The following MAB21L3 variants were observed in gnomAD, a reference collection of about 807,000 sequenced individuals.
MAB21L3 encodes the protein mab-21 like 3, also known as protein mab-21-like 3.
Under a neutral mutation model 37.7 loss-of-function variants are expected in MAB21L3, and 36 were observed. The ratio of observed to expected loss-of-function variants is 0.96; its 90% CI spans 0.73 to 1.26. The LOEUF is 1.26. Ranked by LOEUF, MAB21L3 falls within the 50% of genes most tolerant of loss-of-function variation. The probability of loss-of-function intolerance (pLI) is 0.00; values close to 1 mark genes in which losing one functional copy is unlikely to be tolerated. For missense variants in MAB21L3, 430 were observed against 447.3 expected (o/e 0.96, Z 0.35); for synonymous variants, 186 against 176.8 (o/e 1.05, Z -0.41).
At chr1:116,133,086 C>T (rs369036505) in intron 7 of MAB21L3, 46 bp from the exon 8 acceptor site, 3 of 1,504,550 alleles carry the variant, frequency 2.0e-6, no homozygotes, top group African/African-American at 2.7e-5. Context: ...AGCTATCCTC[C>T]TCAATTGCCC....
rs10754431 is a variant in MAB21L3 at position 116,128,153 on chromosome 1, A to T, written c.669A>T (p.Gly223=). ...QERVECIKSF[G]FNLLACSNYH... is the part of the protein sequence containing the mutation. Reference sequence around the variant, plus strand: ...TTTTCTCTTTCTTCCAGTCGTTTGGATTTAACTTGTTGGCCTGTTCAAATT... The same window carrying T: ...TTTTCTCTTTCTTCCAGTCGTTTGGTTTTAACTTGTTGGCCTGTTCAAATT... The change falls in exon 7 of 8, where the codon GGA becomes GGT. Residue 223 remains glycine, a synonymous_variant. Coordinates refer to ENST00000369500, the MANE Select transcript of MAB21L3 (RefSeq NM_152367.3). The T allele has an allele frequency of 8.0e-5, 127 of 1,582,744 alleles. No individual in the cohort carries two copies. Among genetic ancestry groups the T allele is most frequent in the Non-Finnish European group, 1.0e-4 (117 of 1,156,684 alleles).
intron 4 of MAB21L3, among the ~76,000 whole-genome samples, chr1:116,121,830 C>G (rs1659759271): frequency 6.6e-6 from 1 of 152,194 alleles, no homozygotes; most frequent in Non-Finnish European, 1.5e-5. Context: ...TGTAAACCAC[C>G]TTGTGGAAAA....
chr1:116,132,871 AG>A (rs1194545763), intron 7 of MAB21L3, among the ~76,000 whole-genome samples: 1 of 152,052 alleles, frequency 6.6e-6, no homozygotes, highest in African/African-American at 2.4e-5. Context: ...GTAAAGTAGG[AG>A]GCAAAGACAT....
At chr1:116,116,691 C>T (rs1048900882) in intron 3 of MAB21L3, among the ~76,000 whole-genome samples, 4 of 152,126 alleles carry the variant, frequency 2.6e-5, no homozygotes, top group African/African-American at 9.7e-5. Flanking sequence ...CTCTGGTCCT[C>T]CATAAAGTCA....
At chr1:116,131,500 G>A (rs1279411418) in intron 7 of MAB21L3, among the ~76,000 whole-genome samples, 2 of 152,122 alleles carry the variant, frequency 1.3e-5, no homozygotes, top group African/African-American at 4.8e-5. Flanking sequence ...AGACCTTGAA[G>A]TATTTTATTT....
At chr1:116,119,962 G>A (rs751184307) in intron 3 of MAB21L3, among the ~76,000 whole-genome samples, 7 of 152,110 alleles carry the variant, frequency 4.6e-5, no homozygotes, top group Admixed American at 2.0e-4. Context: ...GGGTGAGTAC[G>A]GAGGCAAAGA....
chr1:116,126,800 A>C (rs944961625), intron 5 of MAB21L3, among the ~76,000 whole-genome samples: 2 of 152,246 alleles, frequency 1.3e-5, no homozygotes, highest in African/African-American at 2.4e-5. Flanking sequence ...GCCATGGCTC[A>C]ACATATGATT....
intron 7 of MAB21L3, among the ~76,000 whole-genome samples, chr1:116,132,154 A>G: frequency 6.6e-6 from 1 of 152,254 alleles, no homozygotes; most frequent in East Asian, 1.9e-4. Context: ...GGCTGGAGAC[A>G]CAAATTTGCA....
At chr1:116,119,883 T>C (rs972432799) in intron 3 of MAB21L3, among the ~76,000 whole-genome samples, 5 of 152,218 alleles carry the variant, frequency 3.3e-5, no homozygotes, top group Non-Finnish European at 5.9e-5. Flanking sequence ...CAATTCTTCA[T>C]AACTCACTGT....
chr1:116,115,169 T>TA (rs1659553286), intron 3 of MAB21L3, among the ~76,000 whole-genome samples: 1 of 152,158 alleles, frequency 6.6e-6, no homozygotes, highest in Non-Finnish European at 1.5e-5. Flanking sequence ...GAATGATGGG[T>TA]AGGCAGGAAT....
In MAB21L3 at chr1:116,112,393, TAA is replaced by T; in HGVS notation, c.-209-13_-209-12del. 2.3e-6 allele frequency: 1 copy of T among 434,172 alleles called. No individual in the cohort carries two copies. Among genetic ancestry groups the T allele is most frequent in the East Asian group, 3.3e-5 (1 of 30,298 alleles). The allele number at this position is 434,172 out of a possible 1,614,324, so 26.9% of individuals were successfully genotyped here. ...TCTTCTTTTTAAATTCTTTTTTTTT[TAA>T]TTTCCCAAAAGATGACAGATGGATT... is the stretch of plus-strand genomic sequence containing the variant. On this transcript the variant is annotated splice_polypyrimidine_tract_variant and intron_variant, in intron 2 of 7. Transcript: ENST00000369500.
chr1:116,112,694 C>G, intron 3 of MAB21L3, 31 bp downstream of exon 3: 1 of 1,609,966 alleles, frequency 6.2e-7, no homozygotes, highest in Non-Finnish European at 8.5e-7. Context: ...TCCCATGAAC[C>G]CCCTCCCCAT....
At chr1:116,123,675 T>C (rs756452984) in intron 4 of MAB21L3, among the ~76,000 whole-genome samples, 1 of 152,238 alleles carries the variant, frequency 6.6e-6, no homozygotes, top group African/African-American at 2.4e-5. Flanking sequence ...AAAGCTCACC[T>C]TACTGTGTGA....
intron 4 of MAB21L3, among the ~76,000 whole-genome samples, chr1:116,121,887 G>T (rs1659760281): frequency 6.6e-6 from 1 of 152,186 alleles, no homozygotes; most frequent in African/African-American, 2.4e-5. Flanking sequence ...GTGAGATCCT[G>T]AATCATTCTG....
intron 5 of MAB21L3, among the ~76,000 whole-genome samples, chr1:116,126,705 T>C (rs751588323): frequency 1.3e-5 from 2 of 152,178 alleles, no homozygotes; most frequent in Non-Finnish European, 2.9e-5. Flanking sequence ...AACCAACATT[T>C]AGATATTTGG....
chr1:116,128,456 T>G (rs1488619270), intron 7 of MAB21L3, 117 bp downstream of exon 7: 3 of 954,682 alleles, frequency 3.1e-6, no homozygotes, highest in Non-Finnish European at 4.5e-6. Flanking sequence ...TGTGAAAAAT[T>G]CAGGATGAGG....
intron 3 of MAB21L3, among the ~76,000 whole-genome samples, chr1:116,120,428 C>A (rs6428862): frequency 7.4e-4 from 111 of 149,640 alleles, no homozygotes; most frequent in African/African-American, 1.4e-3. Context: ...CACACACACA[C>A]ACAAACACAC....
At chr1:116,120,447 A>G (rs1280982499) in intron 3 of MAB21L3, among the ~76,000 whole-genome samples, 1 of 140,512 alleles carries the variant, frequency 7.1e-6, no homozygotes, top group East Asian at 1.9e-4. Flanking sequence ...ACACACACAC[A>G]CATATATATA....
At chr1:116,122,437 T>G (rs776408764) in intron 4 of MAB21L3, among the ~76,000 whole-genome samples, 4 of 152,256 alleles carry the variant, frequency 2.6e-5, no homozygotes, top group Non-Finnish European at 5.9e-5. Flanking sequence ...AATTCATAGC[T>G]TAAAATATAT....
Sources: gnomAD v4.1 joint callset for allele counts (sites outside exome capture counted in the v4.1 genomes callset) on GRCh38, gnomAD v4.1.1 for gene constraint, MANE v1.5 for transcripts, NCBI Gene and HGNC (gene_info 2026-07-23, HGNC 2026-07-21) for gene names.